The following UBE2D1 variants were observed in gnomAD, a reference collection of about 807,000 sequenced individuals.
The protein encoded by UBE2D1 is ubiquitin conjugating enzyme E2 D1.
A neutral mutation model predicts 24.6 loss-of-function variants in UBE2D1; 9 were observed. The observed-to-expected ratio is 0.37, with a 90% CI of 0.22 to 0.64. UBE2D1 has a LOEUF of 0.64. Ranked by LOEUF, UBE2D1 falls within the 30% of genes least tolerant of loss-of-function variation. The pLI is 0.64. For synonymous variants in UBE2D1, 57 were observed against 57.6 expected (o/e 0.99, Z 0.04); for missense variants, 87 against 177.1 (o/e 0.49, Z 2.89).
At chr10:58,350,959 C>G (rs1402865714) in intron 1 of UBE2D1, among the ~76,000 whole-genome samples, 3 of 152,106 alleles carry the variant, frequency 2.0e-5, no homozygotes, top group African/African-American at 7.2e-5. Flanking sequence ...AATTGTAACA[C>G]AGTGGGAAAT....
chr10:58,341,505 G>A (rs1839961137), intron 1 of UBE2D1, among the ~76,000 whole-genome samples: 1 of 151,634 alleles, frequency 6.6e-6, no homozygotes, highest in Non-Finnish European at 1.5e-5. Flanking sequence ...TCGCAATAGA[G>A]GTATAAAAAA....
rs1229794126 is a variant in UBE2D1, at chr10:58,370,716, C to CTTTTT, written c.*1955_*1959dup. Reference sequence around the variant, plus strand: ...TGGCATTTATTTTTGGAAGTGTCTTCTTTTTTTTCTTTATTAAAGTTTTTG... The same window carrying CTTTTT: ...TGGCATTTATTTTTGGAAGTGTCTTCTTTTTTTTTTTTTCTTTATTAAAGTTTTTG... On this transcript the variant is annotated 3_prime_UTR_variant, in exon 7 of 7. Transcript: ENST00000373910. 5.3e-4 allele frequency: 79 copies of CTTTTT among 149,754 alleles called. No homozygotes were observed. Among genetic ancestry groups the CTTTTT allele is most frequent in the African/African-American group, 1.8e-3 (73 of 40,934 alleles). 9.3% of individuals were successfully genotyped at this position (149,754 alleles called of 1,614,324 possible).
intron 1 of UBE2D1, among the ~76,000 whole-genome samples, chr10:58,340,111 G>A (rs539026769): frequency 1.3e-5 from 2 of 152,168 alleles, no homozygotes; most frequent in Non-Finnish European, 2.9e-5. Context: ...TATCCAAATT[G>A]AGATGTGCTG....
Position 58,335,013 on chromosome 10 carries a change from C to G in UBE2D1, c.-189C>G. 1 of 571,350 alleles carries G rather than the reference C, an allele frequency of 1.8e-6. No homozygotes were observed. The highest frequency in any genetic ancestry group is 2.0e-5 in the African/African-American group (1 of 49,814). The allele number at this position is 571,350 out of a possible 1,614,324, so 35.4% of individuals were successfully genotyped here. ...TCGCCGGCGTCCCCGCCCGCACACT[C>G]GCGCACACTCGCGCTCGGGCGCACA... On this transcript the variant is annotated 5_prime_UTR_variant, in exon 1 of 7. Coordinates refer to ENST00000373910, the MANE Select transcript of UBE2D1 (RefSeq NM_003338.5).
chr10:58,360,983 A>T (rs1383477009), intron 1 of UBE2D1: 1 of 462,956 alleles, frequency 2.2e-6, no homozygotes, highest in Admixed American at 2.6e-5. Flanking sequence ...CTCCCTCAAT[A>T]GATTGTAACC....
chr10:58,344,763 C>T (rs1395834724), intron 1 of UBE2D1, among the ~76,000 whole-genome samples: 2 of 151,894 alleles, frequency 1.3e-5, no homozygotes, highest in Admixed American at 1.3e-4. Flanking sequence ...TTCCATTTAG[C>T]TTTTCTCTAT....
At chr10:58,342,978 C>T (rs1839978438) in intron 1 of UBE2D1, among the ~76,000 whole-genome samples, 1 of 151,748 alleles carries the variant, frequency 6.6e-6, no homozygotes, top group African/African-American at 2.4e-5. Context: ...TACAGGCGCC[C>T]ACCACCACAC....
intron 1 of UBE2D1, among the ~76,000 whole-genome samples, chr10:58,351,044 G>A (rs1045711429): frequency 2.0e-5 from 3 of 152,150 alleles, no homozygotes; most frequent in Non-Finnish European, 4.4e-5. Flanking sequence ...AAAATGGTAT[G>A]CCTGTATAGG....
chr10:58,362,663 A>G (rs1237423676), intron 3 of UBE2D1, among the ~76,000 whole-genome samples: 2 of 152,066 alleles, frequency 1.3e-5, no homozygotes, highest in East Asian at 3.9e-4. Flanking sequence ...AGTACTCTGG[A>G]CCATATCTGT....
At chr10:58,359,591 A>G (rs1221457142) in intron 1 of UBE2D1, among the ~76,000 whole-genome samples, 2 of 152,156 alleles carry the variant, frequency 1.3e-5, no homozygotes, top group Non-Finnish European at 2.9e-5. Context: ...ATTGTTCTCT[A>G]TCTCAGTGAA....
chr10:58,344,313 T>G (rs1361909222), intron 1 of UBE2D1, among the ~76,000 whole-genome samples: 1 of 152,120 alleles, frequency 6.6e-6, no homozygotes, highest in Non-Finnish European at 1.5e-5. Context: ...AGGTGAGTAT[T>G]GAATTGGGGT....
intron 1 of UBE2D1, among the ~76,000 whole-genome samples, chr10:58,355,958 C>T (rs1303644744): frequency 1.3e-5 from 2 of 152,058 alleles, no homozygotes; most frequent in African/African-American, 2.4e-5. Flanking sequence ...CAATCTGTGA[C>T]AGTACCTCAG....
At chr10:58,368,070 C>T in intron 6 of UBE2D1, 54 bp downstream of exon 6, 1 of 1,195,562 alleles carries the variant, frequency 8.4e-7, no homozygotes, top group Non-Finnish European at 1.2e-6. Flanking sequence ...TATAGTATGC[C>T]AAAACACGAA....
chr10:58,345,701 A>T (rs1840008200), intron 1 of UBE2D1, among the ~76,000 whole-genome samples: 1 of 152,206 alleles, frequency 6.6e-6, no homozygotes, highest in South Asian at 2.1e-4. Flanking sequence ...GGAGAGGCCA[A>T]ATTTATTTGG....
rs1840295373 is a variant in UBE2D1, at chr10:58,369,845, TC to T, written c.*1081del. The T allele has an allele frequency of 6.6e-6, 1 of 152,012 alleles. No homozygotes were observed. Among genetic ancestry groups the T allele is most frequent in the Non-Finnish European group, 1.5e-5 (1 of 67,810 alleles). 9.4% of individuals were successfully genotyped at this position (152,012 alleles called of 1,614,324 possible). A position where few individuals can be genotyped will look rare whatever the true frequency, so the allele number is the denominator to read the frequency against. ...AATTTGGGGTTTGTCTTGGATTATA[TC>T]TAAATGGATTATTTGTTAAAAGTAC... On this transcript the variant is annotated 3_prime_UTR_variant, in exon 7 of 7. Coordinates refer to ENST00000373910, the MANE Select transcript of UBE2D1 (RefSeq NM_003338.5).
chr10:58,335,578 CCT>C (rs1486735077), intron 1 of UBE2D1, among the ~76,000 whole-genome samples: 1 of 152,274 alleles, frequency 6.6e-6, no homozygotes, highest in African/African-American at 2.4e-5. Flanking sequence ...AGTTTTGACC[CCT>C]GTCATGCTGT....
chr10:58,344,985 C>T (rs1840000651), intron 1 of UBE2D1, among the ~76,000 whole-genome samples: 1 of 151,904 alleles, frequency 6.6e-6, no homozygotes, highest in South Asian at 2.1e-4. Context: ...ATGTCTCAGC[C>T]CCCTGAGTAG....
Position 58,335,077 on chromosome 10 carries a change from G to A in UBE2D1, c.-125G>A, listed in dbSNP as rs577597412. 4.8e-6 allele frequency: 5 copies of A among 1,048,712 alleles called. No individual in the cohort carries two copies. In the African/African-American group the frequency reaches 5.0e-5, roughly 10 times the overall value. 65.0% of individuals were successfully genotyped at this position (1,048,712 alleles called of 1,614,324 possible). A position where few individuals can be genotyped will look rare whatever the true frequency, so the allele number is the denominator to read the frequency against. On this transcript the variant is annotated 5_prime_UTR_variant, in exon 1 of 7. Coordinates refer to ENST00000373910, the MANE Select transcript of UBE2D1 (RefSeq NM_003338.5). The stretch of plus-strand genomic sequence containing the variant: ...GGCGCCCGGAGCGAGCCAGGGAGCG[G>A]CTAACCGGGGACCCACCGCGCGGAG...
At chr10:58,336,932 C>T (rs1031166221) in intron 1 of UBE2D1, among the ~76,000 whole-genome samples, 1 of 152,156 alleles carries the variant, frequency 6.6e-6, no homozygotes, top group African/African-American at 2.4e-5. Flanking sequence ...ACACAAGTCA[C>T]CATACCCAAC....
Sources: allele counts gnomAD v4.1 joint callset (sites outside exome capture counted in the v4.1 genomes callset), GRCh38; gene constraint gnomAD v4.1.1; transcripts MANE v1.5; gene names NCBI Gene and HGNC (gene_info 2026-07-23, HGNC 2026-07-21).